The following CLEC2A variants were observed in gnomAD, a reference collection of about 807,000 sequenced individuals.
CLEC2A encodes the protein keratinocyte-associated C-type lectin.
In CLEC2A, 19 loss-of-function variants were observed where a neutral mutation model predicts 18.6. That is an observed-to-expected ratio of 1.02 (90% CI 0.71 to 1.50). CLEC2A has a LOEUF of 1.50. Among genes scored for constraint, CLEC2A ranks in the 40% most tolerant of loss-of-function variants. The pLI, the probability that CLEC2A is intolerant of heterozygous loss-of-function variation, is 0.00. For synonymous variants in CLEC2A, 74 were observed against 64.0 expected (o/e 1.16, Z -0.75); for missense variants, 190 against 207.9 (o/e 0.91, Z 0.53).
At chr12:9,906,640 A>G (rs1862911632) in intron 4 of CLEC2A, among the ~76,000 whole-genome samples, 1 of 152,198 alleles carries the variant, frequency 6.6e-6, no homozygotes. Context: ...CAAGCAGTTC[A>G]CAAGTTTGGG....
intron 4 of CLEC2A, 73 bp from the exon 5 acceptor site, chr12:9,913,753 T>A: frequency 1.1e-6 from 1 of 948,868 alleles, no homozygotes; most frequent in Non-Finnish European, 1.6e-6. Flanking sequence ...AATAATAGAG[T>A]GATTTTAAAT....
intron 3 of CLEC2A, among the ~76,000 whole-genome samples, chr12:9,921,009 A>C (rs1479979157): frequency 6.6e-6 from 1 of 152,232 alleles, no homozygotes. Flanking sequence ...AGGACATGGC[A>C]TCACTAGTCA....
At chr12:9,883,115 A>C in the CLEC2A span, among the ~76,000 whole-genome samples, 1 of 152,212 alleles carries the variant, frequency 6.6e-6, no homozygotes, top group Non-Finnish European at 1.5e-5. Context: ...TGCTTGCTAT[A>C]CATTTGCTTC....
At chr12:9,915,680 A>T (rs1160291156) in intron 4 of CLEC2A, among the ~76,000 whole-genome samples, 2 of 152,148 alleles carry the variant, frequency 1.3e-5, no homozygotes, top group African/African-American at 4.8e-5. Flanking sequence ...AGAAAGGGCA[A>T]CAACACACAC....
At chr12:9,888,172 A>G in the CLEC2A span, among the ~76,000 whole-genome samples, 3 of 151,874 alleles carry the variant, frequency 2.0e-5, no homozygotes, top group Non-Finnish European at 2.9e-5. Context: ...AACATCATAC[A>G]TGAAGTCTAA....
At chr12:9,922,350 C>A in intron 2 of CLEC2A, 118 bp from the exon 3 acceptor site, 1 of 694,092 alleles carries the variant, frequency 1.4e-6, no homozygotes. Context: ...AGTTAGCTTC[C>A]CCCCTCCCCA....
At chr12:9,927,634 G>T (rs1373736365) in intron 1 of CLEC2A, among the ~76,000 whole-genome samples, 1 of 152,100 alleles carries the variant, frequency 6.6e-6, no homozygotes, top group African/African-American at 2.4e-5. Flanking sequence ...AGCAGCCTTA[G>T]TGAATGAAAA....
chr12:9,900,489 G>A (rs189821065), intron 4 of CLEC2A, among the ~76,000 whole-genome samples: 227 of 152,156 alleles, frequency 1.5e-3, no homozygotes, highest in African/African-American at 5.3e-3. Flanking sequence ...TGGCCTGATT[G>A]TTTGCATAAA....
At chr12:9,899,345 G>A (rs998302350) in intron 4 of CLEC2A, among the ~76,000 whole-genome samples, 1 of 152,114 alleles carries the variant, frequency 6.6e-6, no homozygotes, top group Non-Finnish European at 1.5e-5. Context: ...GGAGTATCCC[G>A]TAGTATGGAG....
chr12:9,917,167 C>T (rs1863086179), intron 3 of CLEC2A, among the ~76,000 whole-genome samples: 1 of 152,154 alleles, frequency 6.6e-6, no homozygotes, highest in South Asian at 2.1e-4. Context: ...TTAGTCACTG[C>T]TCTATTGGCT....
intron 4 of CLEC2A, among the ~76,000 whole-genome samples, chr12:9,904,336 T>C (rs1042140316): frequency 6.6e-6 from 1 of 152,126 alleles, no homozygotes; most frequent in Non-Finnish European, 1.5e-5. Context: ...TGGAGGACCA[T>C]ACGAGTGGAA....
chr12:9,893,211 GC>G, the CLEC2A span: 1 of 1,505,740 alleles, frequency 6.6e-7, no homozygotes. Context: ...AGGAAAAATG[GC>G]TTAGGTGCAA....
At chr12:9,877,817 CA>C in the CLEC2A span, among the ~76,000 whole-genome samples, 3 of 151,980 alleles carry the variant, frequency 2.0e-5, no homozygotes, top group African/African-American at 7.3e-5. Flanking sequence ...AACATATATT[CA>C]AAAAGTCTTA....
At chr12:9,883,724 A>G in the CLEC2A span, among the ~76,000 whole-genome samples, 2 of 152,232 alleles carry the variant, frequency 1.3e-5, no homozygotes, top group Non-Finnish European at 2.9e-5. Context: ...TTTTGGACTT[A>G]GTAATACAGA....
At chr12:9,909,547 T>A (rs1862952199), downstream of CLEC2A, among the ~76,000 whole-genome samples, 1 of 152,192 alleles carries the variant, frequency 6.6e-6, no homozygotes. Context: ...CGGCTTGAGT[T>A]CTTTTTTAAA....
chr12:9,919,822 TG>T (rs1185667649), intron 3 of CLEC2A, among the ~76,000 whole-genome samples: 2 of 152,210 alleles, frequency 1.3e-5, no homozygotes, highest in Non-Finnish European at 2.9e-5. Flanking sequence ...CTGTGAGCTC[TG>T]TGCCAGGGAG....
At chr12:9,908,346 A>C (rs1862933934), downstream of CLEC2A, among the ~76,000 whole-genome samples, 1 of 152,220 alleles carries the variant, frequency 6.6e-6, no homozygotes, top group African/African-American at 2.4e-5. Context: ...CCTTCCTAAC[A>C]GGTTAATTTC....
intron 1 of CLEC2A, among the ~76,000 whole-genome samples, chr12:9,930,350 G>C (rs986892091): frequency 6.6e-6 from 1 of 152,120 alleles, no homozygotes; most frequent in Non-Finnish European, 1.5e-5. Context: ...AGGGAACAGA[G>C]TTTGCCCCAT....
chr12:9,919,895 A>G (rs1863136670), intron 3 of CLEC2A, among the ~76,000 whole-genome samples: 1 of 152,028 alleles, frequency 6.6e-6, no homozygotes, highest in Non-Finnish European at 1.5e-5. Flanking sequence ...CTGGTTAGAG[A>G]TCCTGCCCAG....
Sources: allele counts gnomAD v4.1 joint callset (sites outside exome capture counted in the v4.1 genomes callset), GRCh38; gene constraint gnomAD v4.1.1; transcripts MANE v1.5; gene names NCBI Gene and HGNC (gene_info 2026-07-23, HGNC 2026-07-21).